The following GNAT3 variants were observed in gnomAD, a reference collection of about 807,000 sequenced individuals.
The protein encoded by GNAT3 is guanine nucleotide-binding protein G(t) subunit alpha-3.
GNAT3 carries 31 observed loss-of-function variants against 37.7 expected under a neutral mutation model. The ratio of observed to expected loss-of-function variants is 0.82; its 90% CI spans 0.62 to 1.11. The LOEUF (loss-of-function observed/expected upper bound fraction) is 1.11. GNAT3 is among the 50% of genes most tolerant of loss of function. The pLI is 0.00. For missense variants in GNAT3, 437 were observed against 412.5 expected (o/e 1.06, Z -0.51); for synonymous variants, 138 against 139.8 (o/e 0.99, Z 0.09).
intron 2 of GNAT3, among the ~76,000 whole-genome samples, chr7:80,493,063 A>C (rs781167492): frequency 5.3e-5 from 8 of 151,962 alleles, no homozygotes; most frequent in Non-Finnish European, 1.0e-4. Context: ...TATCATATTT[A>C]TTATAAATTT....
rs201771737 is a variant in GNAT3 at position 80,478,809 on chromosome 7, C to A, written c.461+32G>T. The A allele has an allele frequency of 1.3e-4, 202 of 1,592,242 alleles. 1 individual carries two copies. Among genetic ancestry groups the A allele is most frequent in the Admixed American group, 1.0e-4 (6 of 57,990 alleles). ...ATAATTCTTAATTTTAAATGTTTTA[C>A]CTCCAATTCCCCTTAAAGTGAATTC... is the stretch of plus-strand genomic sequence containing the variant. On this transcript the variant is annotated intron_variant, in intron 4 of 7. Transcript: ENST00000398291.
chr7:80,474,499 T>C (rs1259990572), intron 4 of GNAT3, 120 bp from the exon 5 acceptor site: 2 of 388,870 alleles, frequency 5.1e-6, no homozygotes, highest in Non-Finnish European at 8.8e-6. Context: ...ATTTTTAACT[T>C]TGCGTTTGAA....
chr7:80,460,124 C>A (rs1790025021), intron 7 of GNAT3, among the ~76,000 whole-genome samples: 1 of 152,052 alleles, frequency 6.6e-6, no homozygotes, highest in Non-Finnish European at 1.5e-5. Context: ...GTTTAAGGAA[C>A]AGAATATTAA....
chr7:80,484,235 A>G (rs561779952), intron 3 of GNAT3, among the ~76,000 whole-genome samples: 1 of 152,274 alleles, frequency 6.6e-6, no homozygotes, highest in African/African-American at 2.4e-5. Flanking sequence ...CCCTAGAGTC[A>G]TATTTCCAAA....
chr7:80,474,916 G>A (rs1051687249), intron 4 of GNAT3, among the ~76,000 whole-genome samples: 3 of 152,082 alleles, frequency 2.0e-5, no homozygotes, highest in South Asian at 2.1e-4. Context: ...CTAATTTGAA[G>A]GTTGTTTGTT....
At chr7:80,505,805 AT>A (rs1262213777) in intron 1 of GNAT3, among the ~76,000 whole-genome samples, 2 of 152,176 alleles carry the variant, frequency 1.3e-5, no homozygotes, top group Admixed American at 1.3e-4. Flanking sequence ...CAGAATGGAT[AT>A]TTTTCATATC....
intron 1 of GNAT3, among the ~76,000 whole-genome samples, chr7:80,494,976 A>T (rs1454317444): frequency 6.6e-6 from 1 of 152,188 alleles, no homozygotes; most frequent in Admixed American, 6.5e-5. Flanking sequence ...ATAAGTGAGA[A>T]CATACGGTAT....
intron 7 of GNAT3, among the ~76,000 whole-genome samples, chr7:80,461,310 C>T (rs749080207): frequency 6.6e-6 from 1 of 151,908 alleles, no homozygotes; most frequent in South Asian, 2.1e-4. Flanking sequence ...CACTTTGGGA[C>T]GCCAAGGTGG....
intron 3 of GNAT3, among the ~76,000 whole-genome samples, chr7:80,481,690 T>C (rs550183454): frequency 3.3e-5 from 5 of 152,274 alleles, no homozygotes; most frequent in African/African-American, 1.2e-4. Flanking sequence ...CTGGTGAGAT[T>C]AGCTGAAAGT....
At chr7:80,502,357 TTTTTC>T (rs1432561602) in intron 1 of GNAT3, among the ~76,000 whole-genome samples, 6 of 152,098 alleles carry the variant, frequency 3.9e-5, no homozygotes, top group East Asian at 1.9e-4. Context: ...AGATATTTCA[TTTTTC>T]TTTTCTTATT....
Position 80,494,642 on chromosome 7 carries a change from C to T in GNAT3, c.124G>A (p.Gly42Arg). 6.6e-7 allele frequency: 1 copy of T among 1,520,602 alleles called. No homozygotes were observed. The highest frequency in any genetic ancestry group is 9.0e-7 in the Non-Finnish European group (1 of 1,109,010). 94.2% of individuals were successfully genotyped at this position (1,520,602 alleles called of 1,614,324 possible). ...ACAATAGTACTTTTCCCAGATTCTCCTGCTCCTGCAACATAAAAAGAGGAA... is the reference window on the plus strand; with the variant it reads ...ACAATAGTACTTTTCCCAGATTCTCTTGCTCCTGCAACATAAAAAGAGGAA... The part of the protein sequence containing the change: ...RTVKLLLLGA[G>R]ESGKSTIVKQ... Residue 42 changes from glycine (G) to arginine (R), a missense_variant, in exon 2 of 8, where the codon GGA (glycine) becomes AGA (arginine). Coordinates refer to ENST00000398291, the MANE Select transcript of GNAT3 (RefSeq NM_001102386.3).
At chr7:80,482,508 T>C (rs1459715819) in intron 3 of GNAT3, among the ~76,000 whole-genome samples, 1 of 151,794 alleles carries the variant, frequency 6.6e-6, no homozygotes, top group Non-Finnish European at 1.5e-5. Flanking sequence ...TTTGTTTTTT[T>C]GTTTGTTTGT....
intron 3 of GNAT3, among the ~76,000 whole-genome samples, chr7:80,485,869 A>G (rs1013895391): frequency 2.6e-5 from 4 of 152,182 alleles, no homozygotes. Context: ...GAGGAAAGCC[A>G]TAACATTCTG....
At chr7:80,506,678 C>T (rs929569586) in intron 1 of GNAT3, among the ~76,000 whole-genome samples, 4 of 152,048 alleles carry the variant, frequency 2.6e-5, no homozygotes, top group African/African-American at 7.2e-5. Flanking sequence ...TTTAAACATT[C>T]GCATTAAGAA....
At chr7:80,491,368 A>C (rs2116197980) in intron 2 of GNAT3, among the ~76,000 whole-genome samples, 1 of 152,310 alleles carries the variant, frequency 6.6e-6, no homozygotes, top group East Asian at 1.9e-4. Flanking sequence ...CAGTAGATGT[A>C]TCTGCCTCTC....
chr7:80,489,587 C>T (rs1251400214), intron 2 of GNAT3, among the ~76,000 whole-genome samples: 1 of 152,050 alleles, frequency 6.6e-6, no homozygotes, highest in Admixed American at 6.6e-5. Context: ...GCTTCCTATA[C>T]AAGAAATCTG....
chr7:80,508,815 T>C (rs1355511662), intron 1 of GNAT3, among the ~76,000 whole-genome samples: 3 of 152,092 alleles, frequency 2.0e-5, no homozygotes, highest in African/African-American at 7.2e-5. Flanking sequence ...TACATCCGCT[T>C]TGCAGTACAT....
chr7:80,476,185 A>G (rs150051392), intron 4 of GNAT3, among the ~76,000 whole-genome samples: 46 of 152,060 alleles, frequency 3.0e-4, no homozygotes, highest in African/African-American at 1.1e-3. Context: ...ATTTGCATGT[A>G]TGAATGATTT....
intron 5 of GNAT3, among the ~76,000 whole-genome samples, chr7:80,468,260 A>T (rs799929): frequency 7.2e-5 from 11 of 151,820 alleles, no homozygotes; most frequent in Middle Eastern, 3.4e-3. Flanking sequence ...ATTGGATCAC[A>T]TGAGATTATT....
Sources: allele counts gnomAD v4.1 joint callset (sites outside exome capture counted in the v4.1 genomes callset), GRCh38; gene constraint gnomAD v4.1.1; transcripts MANE v1.5; gene names NCBI Gene and HGNC (gene_info 2026-07-23, HGNC 2026-07-21).